The following PLEKHA5 variants were observed in gnomAD, a reference collection of about 807,000 sequenced individuals.
The protein encoded by PLEKHA5 is pleckstrin homology domain-containing family A member 5.
A neutral mutation model predicts 181.9 loss-of-function variants in PLEKHA5; 55 were observed. The ratio of observed to expected loss-of-function variants is 0.30; its 90% CI spans 0.24 to 0.38. PLEKHA5 has a LOEUF of 0.38. Among genes scored for constraint, PLEKHA5 ranks in the 10% least tolerant of loss-of-function variants. The probability of loss-of-function intolerance (pLI) is 1.00; values close to 1 mark genes in which losing one functional copy is unlikely to be tolerated. For synonymous variants in PLEKHA5, 535 were observed against 529.4 expected, an observed-to-expected ratio of 1.01 and a Z score of -0.15; for missense variants, 1,432 against 1,549.5, an observed-to-expected ratio of 0.92 and a Z score of 1.27.
chr12:19,255,708 TTATGAG>T (rs2152558314), intron 5 of PLEKHA5, among the ~76,000 whole-genome samples: 1 of 151,818 alleles, frequency 6.6e-6, no homozygotes, highest in African/African-American at 2.4e-5. Context: ...GCATAATGCT[TTATGAG>T]TATATTTTAA....
At chr12:19,251,706 A>G (rs796275038) in intron 3 of PLEKHA5, among the ~76,000 whole-genome samples, 5 of 136,336 alleles carry the variant, frequency 3.7e-5, no homozygotes, top group African/African-American at 1.4e-4. Context: ...AGCAGAACTG[A>G]TGATTCTCTT....
chr12:19,356,797 C>A (rs2933278), intron 26 of PLEKHA5, among the ~76,000 whole-genome samples: 138,214 of 151,126 alleles, frequency 0.91, 64,035 homozygotes, highest in Non-Finnish European at 1. Flanking sequence ...AGTAGCTGGG[C>A]CTACAGGCGC....
At chr12:19,289,910 G>GTTTTA (rs574816328) in intron 13 of PLEKHA5, among the ~76,000 whole-genome samples, 20 of 151,660 alleles carry the variant, frequency 1.3e-4, no homozygotes, top group African/African-American at 4.6e-4. Context: ...AGATATCCAA[G>GTTTTA]TTTTATTTTA....
At chr12:19,162,924 A>G (rs1156519294) in intron 3 of PLEKHA5, among the ~76,000 whole-genome samples, 1 of 152,208 alleles carries the variant, frequency 6.6e-6, no homozygotes, top group African/African-American at 2.4e-5. Context: ...ATAGGAGGCT[A>G]GGACTCTAGA....
chr12:19,296,839 G>A (rs1565581181), intron 15 of PLEKHA5, among the ~76,000 whole-genome samples: 1 of 152,164 alleles, frequency 6.6e-6, no homozygotes, highest in Non-Finnish European at 1.5e-5. Flanking sequence ...AGGCATGAAA[G>A]GAGTATTAAT....
chr12:19,191,448 G>A (rs759084623), intron 3 of PLEKHA5, among the ~76,000 whole-genome samples: 5 of 152,086 alleles, frequency 3.3e-5, no homozygotes, highest in Non-Finnish European at 5.9e-5. Context: ...ACTACCATGC[G>A]GCCTAATTGG....
chr12:19,214,055 G>T (rs2057476540), intron 3 of PLEKHA5, among the ~76,000 whole-genome samples: 1 of 152,180 alleles, frequency 6.6e-6, no homozygotes, highest in Non-Finnish European at 1.5e-5. Flanking sequence ...GAATGATAAG[G>T]TTAATAAGGA....
At chr12:19,322,776 T>C in intron 20 of PLEKHA5, 109 bp downstream of exon 20, 2 of 666,240 alleles carry the variant, frequency 3.0e-6, no homozygotes, top group Non-Finnish European at 5.0e-6. Context: ...TATATTATTA[T>C]AGCAGAAAAT....
At chr12:19,173,426 C>G (rs1001262116) in intron 3 of PLEKHA5, among the ~76,000 whole-genome samples, 1 of 148,902 alleles carries the variant, frequency 6.7e-6, no homozygotes, top group Admixed American at 6.8e-5. Context: ...AGTTTTCAAT[C>G]TCTGCCCATC....
intron 16 of PLEKHA5, among the ~76,000 whole-genome samples, chr12:19,319,193 C>T (rs1465217891): frequency 6.6e-6 from 1 of 152,062 alleles, no homozygotes; most frequent in East Asian, 1.9e-4. Context: ...TAAGAGTATT[C>T]TAACTTTTGT....
chr12:19,236,494 A>G (rs1271487563), intron 3 of PLEKHA5, among the ~76,000 whole-genome samples: 1 of 152,146 alleles, frequency 6.6e-6, no homozygotes, highest in African/African-American at 2.4e-5. Flanking sequence ...ATTCCAGGCA[A>G]TTTTAGCCTT....
chr12:19,137,776 C>T (rs976523208), intron 3 of PLEKHA5, among the ~76,000 whole-genome samples: 1 of 152,098 alleles, frequency 6.6e-6, no homozygotes, highest in East Asian at 1.9e-4. Context: ...CTGCTTAGGG[C>T]CAGGTTTGCT....
intron 8 of PLEKHA5, among the ~76,000 whole-genome samples, chr12:19,269,489 C>CCTTTCCTT (rs2071836268): frequency 7.1e-6 from 1 of 141,448 alleles, no homozygotes; most frequent in Admixed American, 7.7e-5. Flanking sequence ...TTTCTCACCT[C>CCTTTCCTT]CTTTCCTTTC....
intron 29 of PLEKHA5, among the ~76,000 whole-genome samples, chr12:19,364,669 GT>G (rs71064097): frequency 5.0e-4 from 74 of 147,312 alleles, no homozygotes; most frequent in African/African-American, 1.7e-3. Flanking sequence ...ACTAATGTTT[GT>G]TTTTTTTTTG....
At chr12:19,313,268 G>A (rs531249459) in intron 15 of PLEKHA5, among the ~76,000 whole-genome samples, 3 of 152,188 alleles carry the variant, frequency 2.0e-5, no homozygotes, top group South Asian at 2.1e-4. Flanking sequence ...CTAGCTATGC[G>A]AGAGGCTGAT....
At chr12:19,197,793 T>A (rs865923961) in intron 3 of PLEKHA5, among the ~76,000 whole-genome samples, 40 of 151,920 alleles carry the variant, frequency 2.6e-4, no homozygotes, top group Middle Eastern at 3.4e-3. Context: ...CAGCCATAAA[T>A]CTTCATCTCC....
intron 15 of PLEKHA5, chr12:19,307,627 C>G: frequency 3.1e-6 from 1 of 325,768 alleles, no homozygotes; most frequent in Non-Finnish European, 6.2e-6. Flanking sequence ...AGGAGCAGAT[C>G]AAGAGAGTGA....
At chr12:19,294,326 C>A (rs919121313) in intron 15 of PLEKHA5, among the ~76,000 whole-genome samples, 1 of 152,106 alleles carries the variant, frequency 6.6e-6, no homozygotes, top group African/African-American at 2.4e-5. Flanking sequence ...AATCTTGTTA[C>A]TGCCAGTAGC....
chr12:19,157,911 C>T (rs1042117902), intron 3 of PLEKHA5, among the ~76,000 whole-genome samples: 9 of 151,914 alleles, frequency 5.9e-5, no homozygotes, highest in African/African-American at 1.7e-4. Flanking sequence ...TAAGTGATGC[C>T]GAACTCTGGA....
Sources: gnomAD v4.1 joint callset for allele counts (sites outside exome capture counted in the v4.1 genomes callset) on GRCh38, gnomAD v4.1.1 for gene constraint, MANE v1.5 for transcripts, NCBI Gene and HGNC (gene_info 2026-07-23, HGNC 2026-07-21) for gene names.